The following CAMTA1 variants were observed in gnomAD, a reference collection of about 807,000 sequenced individuals.
The protein encoded by CAMTA1 is calmodulin binding transcription activator 1.
In CAMTA1, 27 loss-of-function variants were observed where a neutral mutation model predicts 170.9. The observed-to-expected ratio is 0.16, with a 90% CI of 0.12 to 0.22. The LOEUF (loss-of-function observed/expected upper bound fraction) is 0.22, where lower values mean the gene tolerates loss of function less well. CAMTA1 is among the 10% of genes least tolerant of loss of function. The pLI, the probability that CAMTA1 is intolerant of heterozygous loss-of-function variation, is 1.00. For synonymous variants in CAMTA1, 833 were observed against 891.5 expected (o/e 0.93, Z 1.17); for missense variants, 1,619 against 2,217.2 (o/e 0.73, Z 5.42).
At chr1:6,997,822 G>A (rs1252473951) in intron 3 of CAMTA1, among the ~76,000 whole-genome samples, 2 of 151,170 alleles carry the variant, frequency 1.3e-5, no homozygotes, top group Non-Finnish European at 3.0e-5. Flanking sequence ...CACCACGCCT[G>A]GCTAGTTTTT....
At chr1:7,632,968 C>A (rs1384533758) in intron 6 of CAMTA1, among the ~76,000 whole-genome samples, 1 of 152,260 alleles carries the variant, frequency 6.6e-6, no homozygotes, top group Non-Finnish European at 1.5e-5. Context: ...AGTGACCTTA[C>A]ACATGAGCGC....
chr1:6,795,573 T>C (rs1317253102), intron 1 of CAMTA1, among the ~76,000 whole-genome samples: 1 of 152,236 alleles, frequency 6.6e-6, no homozygotes, highest in Non-Finnish European at 1.5e-5. Context: ...ATATACATTG[T>C]ATATTTTTCA....
At chr1:7,688,870 T>C (rs2096280900) in intron 11 of CAMTA1, among the ~76,000 whole-genome samples, 1 of 152,180 alleles carries the variant, frequency 6.6e-6, no homozygotes, top group Non-Finnish European at 1.5e-5. Flanking sequence ...TGCTGAAACT[T>C]TGCACCTGTT....
chr1:7,303,841 C>T (rs1202485979), intron 5 of CAMTA1, among the ~76,000 whole-genome samples: 2 of 152,144 alleles, frequency 1.3e-5, no homozygotes, highest in East Asian at 1.9e-4. Flanking sequence ...GGGTCAGGAG[C>T]CCTATTGAAA....
At chr1:7,516,110 A>T (rs2094282199) in intron 6 of CAMTA1, among the ~76,000 whole-genome samples, 1 of 152,194 alleles carries the variant, frequency 6.6e-6, no homozygotes, top group Admixed American at 6.5e-5. Flanking sequence ...CAAGCCTCCC[A>T]GCCGGCTGGG....
intron 4 of CAMTA1, among the ~76,000 whole-genome samples, chr1:7,194,817 C>T (rs969714808): frequency 6.6e-6 from 1 of 152,206 alleles, no homozygotes; most frequent in Admixed American, 6.5e-5. Flanking sequence ...ATATTGGGCT[C>T]TTCTCTTCTG....
intron 6 of CAMTA1, among the ~76,000 whole-genome samples, chr1:7,521,054 A>G (rs572214961): frequency 6.6e-6 from 1 of 152,332 alleles, no homozygotes; most frequent in African/African-American, 2.4e-5. Flanking sequence ...CCATGGGGAA[A>G]TAAGAAAAAT....
rs2096872471 is a variant in CAMTA1, at chr1:7,748,370, A to G, written c.4689+589A>G. 6.6e-6 allele frequency among the ~76,000 whole-genome samples: 1 copy of G among 152,204 alleles called. No individual in the cohort carries two copies. Among genetic ancestry groups the G allele is most frequent in the South Asian group, 2.1e-4 (1 of 4,836 alleles). The stretch of plus-strand genomic sequence containing the variant: ...TTCTTGAACCCAGGTGTTGATGTCC[A>G]GCTTGGACCTCGTCTCAAAAAAAAA... On this transcript the variant is annotated intron_variant, in intron 19 of 22. Coordinates refer to ENST00000303635, the MANE Select transcript of CAMTA1 (RefSeq NM_015215.4). This position sits in a 1 kb window ranked among gnomAD's most constrained non-coding sequence, Gnocchi z 4.7.
In CAMTA1 at chr1:7,732,347, C is replaced by G. The variant is rs1217775938; in HGVS notation, c.2915-101C>G. Reference sequence around the variant, plus strand: ...AGACCTCTCTGGTTTGGTGAAGTTACGGACGGCATTTGGATGCTGGTCCCG... The same window carrying G: ...AGACCTCTCTGGTTTGGTGAAGTTAGGGACGGCATTTGGATGCTGGTCCCG... On this transcript the variant is annotated intron_variant, in intron 11 of 22. Coordinates refer to ENST00000303635, the MANE Select transcript of CAMTA1 (RefSeq NM_015215.4). The surrounding 1 kb of genome is among the most constrained non-coding windows in gnomAD (Gnocchi z 4.1). The G allele has an allele frequency of 5.1e-6, 5 of 975,940 alleles. No homozygotes were observed. Among genetic ancestry groups the G allele is most frequent in the South Asian group, 4.3e-5 (3 of 69,586 alleles). The allele number at this position is 975,940 out of a possible 1,614,324, so 60.5% of individuals were successfully genotyped here.
chr1:7,007,559 C>T lies in CAMTA1; in HGVS notation c.235-83745C>T, dbSNP rs1699185109. Among the ~76,000 whole-genome samples, 2 of 152,282 alleles carry T rather than the reference C, an allele frequency of 1.3e-5. No individual in the cohort carries two copies. Among genetic ancestry groups the T allele is most frequent in the South Asian group, 4.1e-4 (2 of 4,820 alleles). Reference sequence around the variant, plus strand: ...TCCTCCTGACCGGGGCTCAGTTTACCTCCTGCTTCAGCCCTTACTCGCCTC... The same window carrying T: ...TCCTCCTGACCGGGGCTCAGTTTACTTCCTGCTTCAGCCCTTACTCGCCTC... On this transcript the variant is annotated intron_variant, in intron 3 of 22. Transcript: ENST00000303635. This position sits in a 1 kb window ranked among gnomAD's most constrained non-coding sequence, Gnocchi z 4.5.
chr1:6,955,947 A>C (rs533964243), intron 3 of CAMTA1, among the ~76,000 whole-genome samples: 1 of 152,252 alleles, frequency 6.6e-6, no homozygotes, highest in South Asian at 2.1e-4. Context: ...GCATGCACTG[A>C]GGAGGCAAGG....
At chr1:7,488,588 A>G in intron 6 of CAMTA1, among the ~76,000 whole-genome samples, 1 of 152,218 alleles carries the variant, frequency 6.6e-6, no homozygotes, top group East Asian at 1.9e-4. Flanking sequence ...ACACATGTGT[A>G]CACATACATG....
chr1:7,052,556 C>T (rs1201437690), intron 3 of CAMTA1, among the ~76,000 whole-genome samples: 2 of 152,200 alleles, frequency 1.3e-5, no homozygotes, highest in African/African-American at 2.4e-5. Context: ...CCCGACTCAG[C>T]TCAGATTCCA....
At chr1:7,245,243 T>C (rs1003023170) in intron 4 of CAMTA1, among the ~76,000 whole-genome samples, 5 of 151,076 alleles carry the variant, frequency 3.3e-5, no homozygotes, top group African/African-American at 7.3e-5. Flanking sequence ...CATACATACA[T>C]ACACACACAT....
chr1:6,914,907 C>T (rs74051059), intron 3 of CAMTA1, among the ~76,000 whole-genome samples: 2,092 of 152,292 alleles, frequency 0.014, 41 homozygotes, highest in African/African-American at 0.047. Context: ...AGTAAAGACA[C>T]ACTGTACTGC....
At chr1:6,880,682 G>A (rs944196979) in intron 3 of CAMTA1, among the ~76,000 whole-genome samples, 1 of 152,200 alleles carries the variant, frequency 6.6e-6, no homozygotes, top group Non-Finnish European at 1.5e-5. Flanking sequence ...GAGCCATTAT[G>A]TCCGGCCTCT....
intron 3 of CAMTA1, among the ~76,000 whole-genome samples, chr1:7,089,157 T>C (rs1348687664): frequency 6.6e-6 from 1 of 152,144 alleles, no homozygotes; most frequent in African/African-American, 2.4e-5. Flanking sequence ...GTTTGGGGCT[T>C]GTCCTCTGCC....
intron 7 of CAMTA1, among the ~76,000 whole-genome samples, chr1:7,647,171 C>T (rs2095812946): frequency 2.6e-5 from 4 of 152,118 alleles, no homozygotes; most frequent in African/African-American, 2.4e-5. Flanking sequence ...GCCTCCCTCC[C>T]TCTGTTCCGG....
In CAMTA1 at chr1:7,618,223, T is replaced by C. The variant is rs1024518288; in HGVS notation, c.511-22177T>C. On this transcript the variant is annotated intron_variant, in intron 6 of 22. Coordinates refer to ENST00000303635, the MANE Select transcript of CAMTA1 (RefSeq NM_015215.4). ...CTCTCTTCTTCCATCTCCATATCTC[T>C]AGTGCCTGTAACTCAAGAAGGTGTT... Among the ~76,000 whole-genome samples, 4 of 152,198 alleles carry C rather than the reference T, an allele frequency of 2.6e-5. No homozygotes were observed. The East Asian group carries it at 7.7e-4, about 29-fold the overall frequency.
Sources: allele counts gnomAD v4.1 joint callset (sites outside exome capture counted in the v4.1 genomes callset), GRCh38; gene constraint gnomAD v4.1.1; non-coding constraint Gnocchi (gnomAD v3.1); transcripts MANE v1.5; gene names NCBI Gene and HGNC (gene_info 2026-07-23, HGNC 2026-07-21).